The following PLXDC1 variants were observed in gnomAD, a reference collection of about 807,000 sequenced individuals.
PLXDC1 encodes the protein plexin domain-containing protein 1.
Under a neutral mutation model 61.3 loss-of-function variants are expected in PLXDC1, and 39 were observed. That is an observed-to-expected ratio of 0.64 (90% CI 0.49 to 0.83). The LOEUF is 0.83. Among genes scored for constraint, PLXDC1 ranks in the 40% least tolerant of loss-of-function variants. The pLI, the probability that PLXDC1 is intolerant of heterozygous loss-of-function variation, is 0.00. For synonymous variants in PLXDC1, 212 were observed against 254.5 expected, an observed-to-expected ratio of 0.83 and a Z score of 1.59; for missense variants, 596 against 666.5, an observed-to-expected ratio of 0.89 and a Z score of 1.17.
chr17:39,126,416 G>A (rs1220807586), intron 2 of PLXDC1, among the ~76,000 whole-genome samples: 1 of 152,150 alleles, frequency 6.6e-6, no homozygotes, highest in Non-Finnish European at 1.5e-5. Context: ...ATATAAGCAA[G>A]AGTTAAGTTC....
intron 7 of PLXDC1, among the ~76,000 whole-genome samples, chr17:39,098,508 C>G (rs4480841): frequency 0.33 from 50,013 of 151,964 alleles, 8,725 homozygotes; most frequent in Admixed American, 0.44. Flanking sequence ...ACTGGGCTCA[C>G]TGCTGGGGGC....
chr17:39,082,276 A>G (rs1348020106), intron 9 of PLXDC1, among the ~76,000 whole-genome samples: 2 of 152,128 alleles, frequency 1.3e-5, no homozygotes, highest in Admixed American at 1.3e-4. Flanking sequence ...AGGCAAAGGA[A>G]ATCACTGGGG....
In PLXDC1 at chr17:39,114,234, G is replaced by A. The variant is rs200645509; in HGVS notation, c.256-4843C>T. ...AACGGAAACACAAATCCTTCCCCAC[G>A]TGTGGTGGTCTGGCCCCAACTCAGC... On this transcript the variant is annotated intron_variant, in intron 2 of 13. Coordinates refer to ENST00000315392, the MANE Select transcript of PLXDC1 (RefSeq NM_020405.5). Among the ~76,000 whole-genome samples the A allele has an allele frequency of 5.0e-4, 76 of 152,206 alleles. 1 individual carries two copies. The highest frequency in any genetic ancestry group is 9.1e-4 in the Non-Finnish European group (62 of 68,004).
intron 7 of PLXDC1, among the ~76,000 whole-genome samples, chr17:39,100,834 T>C (rs1422612545): frequency 1.3e-5 from 2 of 152,170 alleles, no homozygotes; most frequent in African/African-American, 2.4e-5. Flanking sequence ...GCTGTAATAC[T>C]TGATAGAGGA....
intron 11 of PLXDC1, among the ~76,000 whole-genome samples, chr17:39,075,474 T>G (rs1467002334): frequency 1.3e-5 from 2 of 152,214 alleles, no homozygotes; most frequent in African/African-American, 4.8e-5. Flanking sequence ...AGGGGAAAGA[T>G]CTCTGCTTTT....
intron 1 of PLXDC1, among the ~76,000 whole-genome samples, chr17:39,150,013 A>C (rs775506117): frequency 6.6e-6 from 1 of 152,210 alleles, no homozygotes; most frequent in African/African-American, 2.4e-5. Context: ...TATTCCACGC[A>C]CAAGAGTCAA....
At chr17:39,141,874 A>G (rs1278813634) in intron 1 of PLXDC1, among the ~76,000 whole-genome samples, 5 of 152,060 alleles carry the variant, frequency 3.3e-5, no homozygotes, top group Non-Finnish European at 7.3e-5. Flanking sequence ...GTTATATCTC[A>G]TCGTTTTTAT....
intron 2 of PLXDC1, among the ~76,000 whole-genome samples, chr17:39,129,689 AAAG>A (rs1195101391): frequency 3.8e-5 from 3 of 78,370 alleles, no homozygotes; most frequent in Non-Finnish European, 5.3e-5. Flanking sequence ...GGGAGAAAGA[AAAG>A]AAAGAAAGAA....
chr17:39,063,504 G>A lies in PLXDC1; in HGVS notation c.*4336C>T, dbSNP rs1908784562. The A allele has an allele frequency of 1.4e-6, 1 of 703,018 alleles. No homozygotes were observed. Among genetic ancestry groups the A allele is most frequent in the Non-Finnish European group, 2.6e-6 (1 of 385,018 alleles). The allele number at this position is 703,018 out of a possible 1,614,324, so 43.5% of individuals were successfully genotyped here. The stretch of plus-strand genomic sequence containing the variant: ...AGCTGGAGGCTGTTCCCACAGTCAT[G>A]TCTCAGCGAAGAAGTCGGAGTTCAG... On this transcript the variant is annotated 3_prime_UTR_variant, in exon 14 of 14. Coordinates refer to ENST00000315392, the MANE Select transcript of PLXDC1 (RefSeq NM_020405.5).
intron 2 of PLXDC1, among the ~76,000 whole-genome samples, chr17:39,128,117 A>ATATATACATATATATG (rs1911392096): frequency 3.1e-5 from 3 of 96,426 alleles, no homozygotes; most frequent in African/African-American, 5.1e-5. Context: ...ATATATATGT[A>ATATATACATATATATG]TATATATATG....
At chr17:39,074,204 CATCATTAAAA>C (rs1053050638) in intron 11 of PLXDC1, among the ~76,000 whole-genome samples, 3 of 152,090 alleles carry the variant, frequency 2.0e-5, no homozygotes, top group African/African-American at 7.2e-5. Context: ...GGGGGGAAGT[CATCATTAAAA>C]ATGTTTTTTC....
Position 39,128,102 on chromosome 17 carries a change from T to TAC in PLXDC1, c.255+11551_255+11552insGT, listed in dbSNP as rs1356892394. Among the ~76,000 whole-genome samples the TAC allele has an allele frequency of 1.1e-4, 11 of 98,098 alleles. 2 individuals carry two copies. Among genetic ancestry groups the TAC allele is most frequent in the African/African-American group, 3.4e-4 (8 of 23,426 alleles). The allele number at this position is 98,098 out of a possible 152,430, so 64.4% of individuals were successfully genotyped here. On this transcript the variant is annotated intron_variant, in intron 2 of 13. Transcript: ENST00000315392. The stretch of plus-strand genomic sequence containing the variant: ...CTCTCTCTCTCTCTCTATGTGTATA[T>TAC]ATATATATATATGTATATATATATG...
intron 7 of PLXDC1, among the ~76,000 whole-genome samples, chr17:39,088,782 C>T (rs980437473): frequency 6.6e-6 from 1 of 151,458 alleles, no homozygotes; most frequent in Non-Finnish European, 1.5e-5. Flanking sequence ...AACCCTGTCT[C>T]TACTAAAAAT....
intron 7 of PLXDC1, among the ~76,000 whole-genome samples, chr17:39,095,496 CT>C (rs1489977239): frequency 6.6e-6 from 1 of 151,274 alleles, no homozygotes; most frequent in East Asian, 1.9e-4. Flanking sequence ...AAGACGCAGG[CT>C]TCCCCAGAGC....
At chr17:39,138,380 C>T (rs1320012053) in intron 2 of PLXDC1, among the ~76,000 whole-genome samples, 1 of 152,166 alleles carries the variant, frequency 6.6e-6, no homozygotes, top group Non-Finnish European at 1.5e-5. Flanking sequence ...AATGTTATGA[C>T]CCTGCCTGGA....
intron 2 of PLXDC1, among the ~76,000 whole-genome samples, chr17:39,125,520 G>A (rs1911288031): frequency 6.6e-6 from 1 of 152,080 alleles, no homozygotes; most frequent in East Asian, 1.9e-4. Context: ...ATTGTGATAG[G>A]GTAAATATAG....
intron 7 of PLXDC1, among the ~76,000 whole-genome samples, chr17:39,101,720 CT>C (rs1326665574): frequency 6.6e-6 from 1 of 152,146 alleles, no homozygotes; most frequent in East Asian, 1.9e-4. Context: ...ATGCTGAGAG[CT>C]GAATTAGTCC....
chr17:39,119,898 C>G (rs775544202), intron 2 of PLXDC1, among the ~76,000 whole-genome samples: 35 of 151,994 alleles, frequency 2.3e-4, no homozygotes, highest in Non-Finnish European at 5.0e-4. Context: ...ACTGAATGGA[C>G]CCCCTCTTGG....
At chr17:39,083,668 TA>T (rs1909643654) in intron 8 of PLXDC1, 128 bp from the exon 9 acceptor site, 1 of 718,954 alleles carries the variant, frequency 1.4e-6, no homozygotes, top group South Asian at 1.6e-5. Flanking sequence ...TTAAGGTCAT[TA>T]ATGCCACCTC....
Sources: gnomAD v4.1 joint callset for allele counts (sites outside exome capture counted in the v4.1 genomes callset) on GRCh38, gnomAD v4.1.1 for gene constraint, MANE v1.5 for transcripts, NCBI Gene and HGNC (gene_info 2026-07-23, HGNC 2026-07-21) for gene names.